The following DTHD1 variants were observed in gnomAD, a reference collection of about 807,000 sequenced individuals.
The protein encoded by DTHD1 is death domain containing 1, also known as death domain-containing protein 1.
DTHD1 carries 59 observed loss-of-function variants against 74.8 expected under a neutral mutation model. The ratio of observed to expected loss-of-function variants is 0.79; its 90% CI spans 0.64 to 0.98. DTHD1 has a LOEUF of 0.98. DTHD1 is among the 50% of genes least tolerant of loss of function. The pLI is 0.00. For synonymous variants in DTHD1, 365 were observed against 371.1 expected, an observed-to-expected ratio of 0.98 and a Z score of 0.19; for missense variants, 1,051 against 1,065.4, an observed-to-expected ratio of 0.99 and a Z score of 0.19.
At chr4:36,329,745 A>G (rs892386081) in intron 8 of DTHD1, among the ~76,000 whole-genome samples, 3 of 152,194 alleles carry the variant, frequency 2.0e-5, no homozygotes, top group Admixed American at 6.5e-5. Flanking sequence ...CTCTTTTTAA[A>G]CTTTTCTCTA....
At chr4:36,338,250 G>T (rs56342905) in intron 8 of DTHD1, among the ~76,000 whole-genome samples, 36,475 of 151,972 alleles carry the variant, frequency 0.24, 4,676 homozygotes, top group South Asian at 0.25. Flanking sequence ...ATTTCTCTTA[G>T]CATCATGCTC....
At chr4:36,331,531 CACTTTT>C (rs1758673070) in intron 8 of DTHD1, among the ~76,000 whole-genome samples, 1 of 152,142 alleles carries the variant, frequency 6.6e-6, no homozygotes, top group Non-Finnish European at 1.5e-5. Flanking sequence ...TTAATCCTAT[CACTTTT>C]ACTTGTATGT....
intron 8 of DTHD1, among the ~76,000 whole-genome samples, chr4:36,331,408 A>C (rs1758662884): frequency 6.6e-6 from 1 of 152,226 alleles, no homozygotes; most frequent in Non-Finnish European, 1.5e-5. Context: ...ATAAATACCA[A>C]GTACAGTAAG....
intron 6 of DTHD1, 131 bp downstream of exon 6, chr4:36,306,483 A>T: frequency 4.1e-6 from 4 of 986,010 alleles, no homozygotes; most frequent in Non-Finnish European, 5.6e-6. Flanking sequence ...TTTAAAGGGT[A>T]CTTAAAATAC....
rs950261689 is a variant in DTHD1 at position 36,344,871 on chromosome 4, C to T, written c.*1047C>T. 6.6e-6 allele frequency: 1 copy of T among 152,004 alleles called. No individual in the cohort carries two copies. The highest frequency in any genetic ancestry group is 1.5e-5 in the Non-Finnish European group (1 of 67,994). The allele number at this position is 152,004 out of a possible 1,614,324, so 9.4% of individuals were successfully genotyped here. On this transcript the variant is annotated 3_prime_UTR_variant, in exon 10 of 10. Transcript: ENST00000639862. ...TAGATACCATAGAGCCTACAGTAAA[C>T]AATACAAAATAAATTGGACTGAAAG...
chr4:36,328,181 G>A (rs774122137), intron 8 of DTHD1, among the ~76,000 whole-genome samples: 26 of 152,122 alleles, frequency 1.7e-4, no homozygotes, highest in Non-Finnish European at 1.8e-4. Flanking sequence ...TTTCCAAATC[G>A]AATTTCTGTA....
At chr4:36,307,394 C>A (rs1301675619) in intron 6 of DTHD1, among the ~76,000 whole-genome samples, 1 of 152,160 alleles carries the variant, frequency 6.6e-6, no homozygotes, top group Non-Finnish European at 1.5e-5. Context: ...AGGGTGTTTT[C>A]TCTGTATGCA....
intron 8 of DTHD1, 103 bp downstream of exon 8, chr4:36,316,589 A>C: frequency 8.4e-7 from 1 of 1,187,606 alleles, no homozygotes; most frequent in South Asian, 1.6e-5. Flanking sequence ...TTAAAAGAAA[A>C]GGTAAGAATA....
At chr4:36,315,545 T>G (rs1245741791) in intron 7 of DTHD1, 1 of 152,224 alleles carries the variant, frequency 6.6e-6, no homozygotes, top group Non-Finnish European at 1.5e-5. Flanking sequence ...TAAACTTAAA[T>G]TGCCACATGT....
chr4:36,306,387 C>T (rs1194728874), intron 6 of DTHD1, 35 bp downstream of exon 6: 1 of 1,503,342 alleles, frequency 6.7e-7, no homozygotes, highest in Admixed American at 2.2e-5. Context: ...GTTGATGATA[C>T]TCTTTCTGAT....
chr4:36,301,659 C>A (rs1756780202), intron 5 of DTHD1, among the ~76,000 whole-genome samples: 1 of 152,154 alleles, frequency 6.6e-6, no homozygotes, highest in Non-Finnish European at 1.5e-5. Flanking sequence ...GTTACCTGTA[C>A]CCCAAAGAGT....
At chr4:36,310,915 C>A (rs527624186) in intron 7 of DTHD1, among the ~76,000 whole-genome samples, 4 of 152,134 alleles carry the variant, frequency 2.6e-5, no homozygotes, top group Non-Finnish European at 4.4e-5. Flanking sequence ...TCCTACTTGG[C>A]TTCCGGAGCA....
chr4:36,323,923 A>T (rs764314223), intron 8 of DTHD1, among the ~76,000 whole-genome samples: 1 of 152,150 alleles, frequency 6.6e-6, no homozygotes, highest in Non-Finnish European at 1.5e-5. Flanking sequence ...CTGGCACTCC[A>T]TGCATCTCCC....
chr4:36,343,430 G>C, intron 9 of DTHD1, 72 bp from the exon 10 acceptor site: 2 of 1,379,024 alleles, frequency 1.5e-6, no homozygotes, highest in Non-Finnish European at 2.0e-6. Context: ...CTATAAACAG[G>C]TGTGGAGGGT....
In DTHD1 at chr4:36,339,167, T is replaced by C. The variant is rs760693725; in HGVS notation, c.2396T>C (p.Val799Ala). 60 of 1,544,900 alleles carry C rather than the reference T, an allele frequency of 3.9e-5. 1 individual carries two copies. The South Asian group carries it at 6.5e-4, about 17-fold the overall frequency. Residue 799 changes from valine to alanine, a missense_variant and splice_region_variant, in exon 9 of 10, where the codon GTA becomes GCA. Coordinates refer to ENST00000639862, the MANE Select transcript of DTHD1 (RefSeq NM_001170700.3). ...QSTKRVSKDP[V>A]EALWDNLLHW... ...ACCAAAAGAGTTTCTAAGGATCCTG[T>C]AGGTGAGGAATATTTGCTTTGTCAT...
At position 36,310,391 on chromosome 4, in the gene DTHD1, A is replaced by G. The variant is rs78656628; in HGVS notation, c.2095+1898A>G. Among the ~76,000 whole-genome samples the G allele has an allele frequency of 6.4e-3, 978 of 152,342 alleles. 15 individuals carry two copies. The highest frequency in any genetic ancestry group is 0.022 in the African/African-American group (917 of 41,576). On this transcript the variant is annotated intron_variant, in intron 7 of 9. Transcript: ENST00000639862. The stretch of plus-strand genomic sequence containing the variant: ...AGGAAACGTCTTTGAAAGAGTTGCC[A>G]TCACAACAATTTCTTTTTCATTAAG...
chr4:36,306,100 A>G, intron 5 of DTHD1, 91 bp from the exon 6 acceptor site: 1 of 1,201,216 alleles, frequency 8.3e-7, no homozygotes, highest in Non-Finnish European at 1.2e-6. Flanking sequence ...ATGAATTGTT[A>G]TTAGATCATT....
intron 2 of DTHD1, 40 bp from the exon 3 acceptor site, chr4:36,290,333 T>C (rs1453738362): frequency 2.0e-6 from 3 of 1,506,718 alleles, no homozygotes; most frequent in Admixed American, 2.1e-5. Context: ...AGTACATAAA[T>C]CAAATAATTG....
chr4:36,338,223 C>A (rs1236633726), intron 8 of DTHD1, among the ~76,000 whole-genome samples: 1 of 152,100 alleles, frequency 6.6e-6, no homozygotes, highest in Admixed American at 6.6e-5. Flanking sequence ...GAATACATAA[C>A]CTTTTGAGAC....
Sources: allele counts gnomAD v4.1 joint callset (sites outside exome capture counted in the v4.1 genomes callset), GRCh38; gene constraint gnomAD v4.1.1; transcripts MANE v1.5; gene names NCBI Gene and HGNC (gene_info 2026-07-23, HGNC 2026-07-21).